NMT1: variants seen among roughly 807,000 people sequenced by gnomAD.
The protein encoded by NMT1 is glycylpeptide N-tetradecanoyltransferase 1.
In NMT1, 12 loss-of-function variants were observed where a neutral mutation model predicts 63.4. The observed-to-expected ratio is 0.19, with a 90% CI of 0.12 to 0.31. The LOEUF (loss-of-function observed/expected upper bound fraction) is 0.31, where lower values mean the gene tolerates loss of function less well. Ranked by LOEUF, NMT1 falls within the 10% of genes least tolerant of loss-of-function variation. The pLI is 1.00. For missense variants in NMT1, 432 were observed against 634.6 expected (o/e 0.68, Z 3.43); for synonymous variants, 228 against 234.3 (o/e 0.97, Z 0.25).
At chr17:45,080,716 G>A (rs1027530508) in intron 1 of NMT1, among the ~76,000 whole-genome samples, 5 of 151,744 alleles carry the variant, frequency 3.3e-5, no homozygotes, top group African/African-American at 4.8e-5. Context: ...TGATCTGCCC[G>A]CCTCGGCCTC....
Position 45,105,313 on chromosome 17 carries a change from TGAG to T in NMT1, c.1471-301_1471-299del, listed in dbSNP as rs2054195415. The stretch of plus-strand genomic sequence containing the variant: ...CAGGAGGGTAGGGCTGGGGGAACTC[TGAG>T]GAGGTTTCCTCTCCTGAGCTGCTGC... On this transcript the variant is annotated intron_variant, in intron 11 of 11. Coordinates refer to ENST00000258960, the MANE Select transcript of NMT1 (RefSeq NM_021079.5). This position sits in a 1 kb window ranked among gnomAD's most constrained non-coding sequence, Gnocchi z 4.2. 6.6e-6 allele frequency among the ~76,000 whole-genome samples: 1 copy of T among 152,188 alleles called. No individual in the cohort carries two copies.
chr17:45,105,534 A>T lies in NMT1; in HGVS notation c.1471-85A>T. 1 of 1,498,462 alleles carries T rather than the reference A, an allele frequency of 6.7e-7. No homozygotes were observed. Among genetic ancestry groups the T allele is most frequent in the Non-Finnish European group, 9.3e-7 (1 of 1,078,134 alleles). 92.8% of individuals were successfully genotyped at this position (1,498,462 alleles called of 1,614,324 possible). ...ACAGGCGGTGGACCCGGGCCCAGCC[A>T]CTCGGAACTTCAGGGATAGGGGGTG... On this transcript the variant is annotated intron_variant, in intron 11 of 11. Transcript: ENST00000258960. The surrounding 1 kb of genome is among the most constrained non-coding windows in gnomAD (Gnocchi z 4.2).
At chr17:45,089,726 T>C (rs1233984301) in intron 3 of NMT1, among the ~76,000 whole-genome samples, 1 of 151,920 alleles carries the variant, frequency 6.6e-6, no homozygotes, top group Non-Finnish European at 1.5e-5. Context: ...GCAGCCTTGA[T>C]CTCCTGGGCT....
chr17:45,099,589 G>A, intron 8 of NMT1, 76 bp downstream of exon 8: 1 of 1,043,310 alleles, frequency 9.6e-7, no homozygotes, highest in Non-Finnish European at 1.5e-6. Context: ...GGAGAGAAGG[G>A]CTCTGGGTGG....
At position 45,103,329 on chromosome 17, in the gene NMT1, A is replaced by C. The variant is rs1052406044; in HGVS notation, c.1164+208A>C. 1.3e-5 allele frequency among the ~76,000 whole-genome samples: 2 copies of C among 152,128 alleles called. No individual in the cohort carries two copies. The highest frequency in any genetic ancestry group is 4.8e-5 in the African/African-American group (2 of 41,424). ...TTGAGCCCTTCTCCCCCTCTGCCCC[A>C]CTTTGATAACACAAAATAGAGAGAA... On this transcript the variant is annotated intron_variant, in intron 9 of 11. Transcript: ENST00000258960. This position sits in a 1 kb window ranked among gnomAD's most constrained non-coding sequence, Gnocchi z 4.8.
chr17:45,077,390 CTTGT>C (rs1027579810), intron 1 of NMT1, among the ~76,000 whole-genome samples: 11 of 151,890 alleles, frequency 7.2e-5, no homozygotes, highest in South Asian at 2.1e-4. Flanking sequence ...TCAGCCAGGT[CTTGT>C]TTGTTTGTTT....
At chr17:45,095,347 A>T (rs1187494720) in intron 4 of NMT1, among the ~76,000 whole-genome samples, 1 of 151,978 alleles carries the variant, frequency 6.6e-6, no homozygotes, top group Non-Finnish European at 1.5e-5. Flanking sequence ...ACCTCAGGTG[A>T]TCCGCCCACC....
chr17:45,104,956 A>C lies in NMT1; in HGVS notation c.1430A>C (p.Tyr477Ser). 1 of 1,614,100 alleles carries C rather than the reference A, an allele frequency of 6.2e-7. No individual in the cohort carries two copies. The highest frequency in any genetic ancestry group is 8.5e-7 in the Non-Finnish European group (1 of 1,180,008). ...FGIGDGNLQY[Y>S]LYNWKCPSMG... Reference sequence around the variant, plus strand: ...ATAGGGGACGGCAACCTGCAGTATTACCTTTACAATTGGAAATGCCCCAGC... The same window carrying C: ...ATAGGGGACGGCAACCTGCAGTATTCCCTTTACAATTGGAAATGCCCCAGC... Residue 477 changes from tyrosine to serine, a missense_variant, in exon 11 of 12, where the codon TAC (tyrosine) becomes TCC (serine). Tyr to Ser is a moderately radical substitution (Grantham distance 144, BLOSUM62 -2). Coordinates refer to ENST00000258960, the MANE Select transcript of NMT1 (RefSeq NM_021079.5). The surrounding 1 kb of genome is among the most constrained non-coding windows in gnomAD (Gnocchi z 4.2).
intron 2 of NMT1, among the ~76,000 whole-genome samples, chr17:45,085,196 T>G (rs1207342361): frequency 6.6e-6 from 1 of 152,130 alleles, no homozygotes; most frequent in African/African-American, 2.4e-5. Context: ...GAAGCCGCAG[T>G]AAGCCATGAT....
chr17:45,104,649 C>T lies in NMT1; in HGVS notation c.1333-210C>T. ...GTACATATGTGTACACTCTGAGGGA[C>T]ACTGGGCAGAGGCCAGGCTGGAGGG... On this transcript the variant is annotated intron_variant, in intron 10 of 11. Transcript: ENST00000258960. The surrounding 1 kb of genome is among the most constrained non-coding windows in gnomAD (Gnocchi z 4.2). 7.1e-7 allele frequency: 1 copy of T among 1,412,556 alleles called. No individual in the cohort carries two copies. Among genetic ancestry groups the T allele is most frequent in the South Asian group, 1.5e-5 (1 of 65,836 alleles). The allele number at this position is 1,412,556 out of a possible 1,614,324, so 87.5% of individuals were successfully genotyped here. A position where few individuals can be genotyped will look rare whatever the true frequency, so the allele number is the denominator to read the frequency against.
Position 45,061,364 on chromosome 17 carries a change from C to T in NMT1, c.35C>T (p.Pro12Leu), listed in dbSNP as rs756082410. 12 of 1,613,748 alleles carry T rather than the reference C, an allele frequency of 7.4e-6. No homozygotes were observed. The highest frequency in any genetic ancestry group is 6.6e-5 in the South Asian group (6 of 91,048). Residue 12 changes from proline to leucine, a missense_variant, in exon 1 of 12, where the codon CCG (proline) becomes CTG (leucine). Physicochemically the swap from Pro to Leu is moderately conservative, Grantham distance 98 (BLOSUM62 -3). Around this residue, in one of 4 missense-constraint regions of NMT1, gnomAD observed 121 missense variants for 103.7 expected, o/e 1.17. Transcript: ENST00000258960. The part of the protein sequence containing the change: ...ADESETAVKP[P>L]APPLPQMMEG... ...GAGAGTGAGACAGCAGTGAAGCCGC[C>T]GGCACCTCCGCTGCCGCAGATGATG...
chr17:45,068,663 CT>C (rs1329779563), intron 1 of NMT1, among the ~76,000 whole-genome samples: 1 of 152,054 alleles, frequency 6.6e-6, no homozygotes, highest in Non-Finnish European at 1.5e-5. Flanking sequence ...TTGTTTGTTT[CT>C]TTTTTTGAGT....
intron 1 of NMT1, among the ~76,000 whole-genome samples, chr17:45,078,515 G>C (rs2053991621): frequency 6.6e-6 from 1 of 152,134 alleles, no homozygotes; most frequent in East Asian, 1.9e-4. Context: ...GTATCTGTCT[G>C]TGAGATGATA....
At chr17:45,092,707 CAAAAAAAAAAAAAAGAAAAGAAAA>C (rs1269038365) in intron 3 of NMT1, among the ~76,000 whole-genome samples, 2 of 115,772 alleles carry the variant, frequency 1.7e-5, no homozygotes, top group Admixed American at 8.9e-5. Context: ...GAGACTGTCT[CAAAAAAAAAAAAAAGAAAAGAAAA>C]GAAAAAAAAA....
intron 1 of NMT1, among the ~76,000 whole-genome samples, chr17:45,079,186 C>G (rs2053996730): frequency 1.3e-5 from 2 of 151,582 alleles, no homozygotes; most frequent in African/African-American, 4.9e-5. Flanking sequence ...CTCACTGCAA[C>G]CACAGCCTCC....
At chr17:45,098,793 T>C in intron 7 of NMT1, 1 of 465,142 alleles carries the variant, frequency 2.1e-6, no homozygotes, top group South Asian at 3.6e-5. Flanking sequence ...TGCTGGCTGC[T>C]GCCATTTGGA....
At chr17:45,102,873 G>A (rs1392314002) in intron 8 of NMT1, 78 bp from the exon 9 acceptor site, 3 of 1,370,516 alleles carry the variant, frequency 2.2e-6, no homozygotes, top group Non-Finnish European at 3.0e-6. Context: ...TCTCTCTTGA[G>A]GGCCTGATCT....
At chr17:45,081,455 G>A (rs1226480315) in intron 1 of NMT1, among the ~76,000 whole-genome samples, 189 bp from the exon 2 acceptor site, 1 of 152,168 alleles carries the variant, frequency 6.6e-6, no homozygotes, top group Non-Finnish European at 1.5e-5. Flanking sequence ...CCTGAAAGCC[G>A]AGGGGGCGCG....
rs554772074 is a variant in NMT1 at position 45,105,554 on chromosome 17, G to A, written c.1471-65G>A. 6.3e-7 allele frequency: 1 copy of A among 1,583,990 alleles called. No homozygotes were observed. Among genetic ancestry groups the A allele is most frequent in the Non-Finnish European group, 8.7e-7 (1 of 1,154,708 alleles). ...CAGCCACTCGGAACTTCAGGGATAG[G>A]GGGTGTGGGAGAGTCTTTGGGCCAC... On this transcript the variant is annotated intron_variant, in intron 11 of 11. Transcript: ENST00000258960. The surrounding 1 kb of genome is among the most constrained non-coding windows in gnomAD (Gnocchi z 4.2).
Sources: gnomAD v4.1 joint callset for allele counts (sites outside exome capture counted in the v4.1 genomes callset) on GRCh38, gnomAD v4.1.1 for gene constraint, gnomAD v4.1.1 regional missense constraint, Gnocchi (gnomAD v3.1) non-coding constraint, MANE v1.5 for transcripts, NCBI Gene and HGNC (gene_info 2026-07-23, HGNC 2026-07-21) for gene names.